Variants in DLG2 observed in about 807,000 individuals in gnomAD.
The protein encoded by DLG2 is discs large MAGUK scaffold protein 2.
In DLG2, 45 loss-of-function variants were observed where a neutral mutation model predicts 132.5. The ratio of observed to expected loss-of-function variants is 0.34; its 90% confidence interval spans 0.27 to 0.44. DLG2 has a LOEUF of 0.44. Among genes scored for constraint, DLG2 ranks in the 20% least tolerant of loss-of-function variants. The probability of loss-of-function intolerance (pLI) is 1.00; values close to 1 mark genes in which losing one functional copy is unlikely to be tolerated. For synonymous variants in DLG2, 424 were observed against 419.6 expected (o/e 1.01, Z -0.13); for missense variants, 1,045 against 1,196.9 (o/e 0.87, Z 1.87).
rs540511889 is a variant in DLG2 at position 85,132,582 on chromosome 11, A to T, written c.283-20847T>A. Among the ~76,000 whole-genome samples, 14 of 152,316 alleles carry T rather than the reference A, an allele frequency of 9.2e-5. No individual in the cohort carries two copies. The South Asian group carries it at 2.7e-3, about 29-fold the overall frequency. On this transcript the variant is annotated intron_variant, in intron 5 of 27. Transcript: ENST00000376104. ...TTGCACAAACATGCAATATCACTTT[A>T]AGAAGTTAAAATCACATAAAGACAG...
At chr11:84,332,285 C>T (rs952777762) in intron 7 of DLG2, among the ~76,000 whole-genome samples, 1 of 150,574 alleles carries the variant, frequency 6.6e-6, no homozygotes, top group African/African-American at 2.4e-5. Flanking sequence ...GATCTTGGCT[C>T]ACTGCAAGCT....
At position 85,495,994 on chromosome 11, in the gene DLG2, C is replaced by T. The variant is rs181644524; in HGVS notation, c.40+102663G>A. Among the ~76,000 whole-genome samples, 18 of 152,268 alleles carry T rather than the reference C, an allele frequency of 1.2e-4. No individual in the cohort carries two copies. The East Asian group carries it at 3.1e-3, about 26-fold the overall frequency. On this transcript the variant is annotated intron_variant, in intron 3 of 27. Coordinates refer to ENST00000376104, the MANE Select transcript of DLG2 (RefSeq NM_001142699.3). ...CTCCCAGTGAGATCGACGCAGAAGA[C>T]ACGTGATTTCTGCATTTCCAGCTGA... is the stretch of plus-strand genomic sequence containing the variant.
intron 19 of DLG2, among the ~76,000 whole-genome samples, chr11:83,564,749 C>T (rs1195043503): frequency 6.6e-6 from 1 of 152,180 alleles, no homozygotes; most frequent in African/African-American, 2.4e-5. Context: ...ACCATTCCAT[C>T]TCTCATAATG....
intron 6 of DLG2, among the ~76,000 whole-genome samples, chr11:84,749,110 A>G (rs962896397): frequency 7.2e-5 from 11 of 152,154 alleles, no homozygotes; most frequent in Non-Finnish European, 1.6e-4. Context: ...ACCCTCCCTT[A>G]TATGTTCACT....
At chr11:84,991,523 AAAAG>A (rs148918946) in intron 6 of DLG2, among the ~76,000 whole-genome samples, 1,713 of 116,236 alleles carry the variant, frequency 0.015, 16 homozygotes, top group Non-Finnish European at 0.022. Flanking sequence ...AAAAAAAAAA[AAAAG>A]AAAGAAAGAA....
chr11:84,901,004 A>T (rs2154070496), intron 6 of DLG2, among the ~76,000 whole-genome samples: 1 of 152,058 alleles, frequency 6.6e-6, no homozygotes, highest in Admixed American at 6.6e-5. Context: ...TTCCTCTTTC[A>T]GATACTTAGC....
intron 16 of DLG2, among the ~76,000 whole-genome samples, chr11:83,869,931 A>G (rs770489564): frequency 6.6e-6 from 1 of 152,202 alleles, no homozygotes; most frequent in African/African-American, 2.4e-5. Flanking sequence ...TAGATGAAAG[A>G]AAGCTTTCTG....
intron 18 of DLG2, 174 bp downstream of exon 18, chr11:83,786,516 G>A (rs1386299598): frequency 3.6e-5 from 20 of 560,948 alleles, no homozygotes; most frequent in Non-Finnish European, 4.8e-5. Flanking sequence ...TGGAAGATTA[G>A]AGGTAACAAA....
chr11:83,884,660 C>A (rs975924852), intron 15 of DLG2, among the ~76,000 whole-genome samples: 3 of 152,170 alleles, frequency 2.0e-5, no homozygotes, highest in African/African-American at 7.2e-5. Flanking sequence ...GGTCCCTGAC[C>A]CCTGACTACC....
At chr11:84,842,495 C>A (rs749714740) in intron 6 of DLG2, among the ~76,000 whole-genome samples, 7 of 151,934 alleles carry the variant, frequency 4.6e-5, no homozygotes, top group Non-Finnish European at 1.0e-4. Context: ...TCTAGAAGTT[C>A]CTAACTACCA....
At chr11:85,495,135 G>A (rs2093641971) in intron 3 of DLG2, among the ~76,000 whole-genome samples, 1 of 152,078 alleles carries the variant, frequency 6.6e-6, no homozygotes, top group South Asian at 2.1e-4. Flanking sequence ...AATTAAAACA[G>A]AAATAAGCAA....
intron 7 of DLG2, among the ~76,000 whole-genome samples, chr11:84,475,757 G>C (rs57129297): frequency 0.029 from 4,439 of 152,078 alleles, 168 homozygotes; most frequent in African/African-American, 0.09. Context: ...AATGCACTGG[G>C]GCACAATGTC....
chr11:84,934,393 G>T (rs1335497726), intron 6 of DLG2, among the ~76,000 whole-genome samples: 1 of 151,638 alleles, frequency 6.6e-6, no homozygotes, highest in Non-Finnish European at 1.5e-5. Context: ...CTCACAGAAT[G>T]AGTCAGGGAG....
intron 3 of DLG2, among the ~76,000 whole-genome samples, chr11:85,559,317 A>G (rs2077097690): frequency 6.6e-6 from 1 of 150,906 alleles, no homozygotes; most frequent in East Asian, 1.9e-4. Flanking sequence ...CACCCAGCTA[A>G]TTTTTATATT....
In DLG2 at chr11:84,541,191, A is replaced by T. The variant is rs565038445; in HGVS notation, c.358-6460T>A. Among the ~76,000 whole-genome samples the T allele has an allele frequency of 5.0e-4, 71 of 143,008 alleles. 1 individual carries two copies. In the South Asian group the frequency reaches 6.0e-3, roughly 12 times the overall value. 93.8% of individuals were successfully genotyped at this position (143,008 alleles called of 152,430 possible). On this transcript the variant is annotated intron_variant, in intron 6 of 27. Coordinates refer to ENST00000376104, the MANE Select transcript of DLG2 (RefSeq NM_001142699.3). ...TGTACCCTAGAACTTGAAGTATTAT[A>T]ATAATAATAATAATAATAATAATAA...
At chr11:84,794,723 T>C (rs929345027) in intron 6 of DLG2, among the ~76,000 whole-genome samples, 1 of 152,172 alleles carries the variant, frequency 6.6e-6, no homozygotes, top group Admixed American at 6.5e-5. Context: ...CAGAGGAAAA[T>C]TGAGGCCAAG....
chr11:85,171,663 T>A (rs1438001343), intron 4 of DLG2, among the ~76,000 whole-genome samples: 1 of 152,122 alleles, frequency 6.6e-6, no homozygotes, highest in Non-Finnish European at 1.5e-5. Flanking sequence ...CCCACTGGCT[T>A]GGAATTCCAG....
At chr11:84,968,973 C>T (rs919791961) in intron 6 of DLG2, among the ~76,000 whole-genome samples, 4 of 151,688 alleles carry the variant, frequency 2.6e-5, no homozygotes, top group African/African-American at 7.3e-5. Flanking sequence ...AAGACTCTAA[C>T]GTGTGTAGAG....
At chr11:85,501,187 A>T (rs1018653415) in intron 3 of DLG2, among the ~76,000 whole-genome samples, 18 of 152,232 alleles carry the variant, frequency 1.2e-4, no homozygotes, top group Non-Finnish European at 2.9e-5. Context: ...CCTATTTAAT[A>T]AATGGTGCTG....
Sources: allele counts gnomAD v4.1 joint callset (sites outside exome capture counted in the v4.1 genomes callset), GRCh38; gene constraint gnomAD v4.1.1; transcripts MANE v1.5; gene names NCBI Gene and HGNC (gene_info 2026-07-23, HGNC 2026-07-21).